Variants in ADNP2 observed in about 807,000 individuals in gnomAD.
ADNP2 encodes the protein ADNP homeobox 2, also known as activity-dependent neuroprotector homeobox protein 2.
In ADNP2, 8 loss-of-function variants were observed where a neutral mutation model predicts 16.4. The ratio of observed to expected loss-of-function variants is 0.49; its 90% CI spans 0.29 to 0.88. The LOEUF is 0.88. Among genes scored for constraint, ADNP2 ranks in the 40% least tolerant of loss-of-function variants. ADNP2 has a pLI of 0.09. For missense variants in ADNP2, 1,397 were observed against 1,395.1 expected, an observed-to-expected ratio of 1.00 and a Z score of -0.02; for synonymous variants, 637 against 545.8, an observed-to-expected ratio of 1.17 and a Z score of -2.33.
In ADNP2 at chr18:80,138,398, G is replaced by A. The variant is rs146952016; in HGVS notation, c.2985G>A (p.Glu995=). 2.5e-6 allele frequency: 4 copies of A among 1,613,970 alleles called. No homozygotes were observed. The African/African-American group carries it at 4.0e-5, about 16-fold the overall frequency. Residue 995 remains glutamate, a synonymous_variant, in exon 4 of 4, where the codon GAG becomes GAA. Transcript: ENST00000262198. The part of the protein sequence containing the change: ...LGAEDQRHGE[E]QPPILNADAA... ...CCGAAGACCAGCGGCATGGGGAGGA[G>A]CAGCCTCCCATCCTAAATGCCGATG...
intron 2 of ADNP2, among the ~76,000 whole-genome samples, chr18:80,131,982 G>C (rs1328480456): frequency 1.3e-5 from 2 of 152,122 alleles, no homozygotes; most frequent in Non-Finnish European, 2.9e-5. Context: ...GCAAAGACTT[G>C]GAACCAACCC....
At chr18:80,128,574 C>T (rs767086177) in intron 2 of ADNP2, among the ~76,000 whole-genome samples, 6 of 152,208 alleles carry the variant, frequency 3.9e-5, no homozygotes, top group African/African-American at 7.2e-5. Flanking sequence ...TGGTTGAACA[C>T]GGGAGGTGGA....
chr18:80,137,557 C>G lies in ADNP2; in HGVS notation c.2144C>G (p.Ala715Gly), dbSNP rs776040702. 1.2e-6 allele frequency: 2 copies of G among 1,614,220 alleles called. No homozygotes were observed. The highest frequency in any genetic ancestry group is 1.7e-6 in the Non-Finnish European group (2 of 1,180,050). Residue 715 changes from alanine (A) to glycine (G), a missense_variant, in exon 4 of 4, where the codon GCG becomes GGG. Ala to Gly is a moderately conservative substitution (Grantham distance 60, BLOSUM62 0). Around this residue, in one of 3 missense-constraint regions of ADNP2, gnomAD observed 611 missense variants for 648.7 expected, o/e 0.94. Transcript: ENST00000262198. The surrounding 1 kb of genome is among the most constrained non-coding windows in gnomAD (Gnocchi z 4.2). Reference sequence around the variant, plus strand: ...GTCTACCAGGTCCACATGGAGGTAGCGCATAAGCACAGCGAGTCCAAGTCT... The same window carrying G: ...GTCTACCAGGTCCACATGGAGGTAGGGCATAAGCACAGCGAGTCCAAGTCT... ...SNVYQVHMEV[A>G]HKHSESKSGE...
intron 1 of ADNP2, among the ~76,000 whole-genome samples, chr18:80,112,155 A>G (rs1166974472): frequency 6.6e-6 from 1 of 152,218 alleles, no homozygotes. Context: ...AACAGTATCT[A>G]TAGAGGATCT....
intron 1 of ADNP2, among the ~76,000 whole-genome samples, chr18:80,116,298 A>G (rs1410492843): frequency 6.6e-6 from 1 of 152,208 alleles, no homozygotes; most frequent in African/African-American, 2.4e-5. Flanking sequence ...ATGCAGGGGC[A>G]TTTGGTTTGT....
intron 1 of ADNP2, among the ~76,000 whole-genome samples, chr18:80,111,582 T>C (rs2145187706): frequency 6.6e-6 from 1 of 151,978 alleles, no homozygotes; most frequent in African/African-American, 2.4e-5. Context: ...TTTTTTTTTT[T>C]TTGAGACGGA....
intron 2 of ADNP2, among the ~76,000 whole-genome samples, chr18:80,132,887 T>A (rs1279455757): frequency 1.3e-5 from 2 of 151,954 alleles, no homozygotes; most frequent in Non-Finnish European, 2.9e-5. Context: ...GCCCAGCTAA[T>A]TTTTGTATTT....
chr18:80,119,537 G>A (rs887451312), intron 2 of ADNP2, among the ~76,000 whole-genome samples: 5 of 152,120 alleles, frequency 3.3e-5, no homozygotes, highest in African/African-American at 1.2e-4. Flanking sequence ...ATTTCAGAGT[G>A]GTATGTCGCT....
chr18:80,131,203 C>T (rs2052493937), intron 2 of ADNP2, among the ~76,000 whole-genome samples: 1 of 152,136 alleles, frequency 6.6e-6, no homozygotes, highest in East Asian at 1.9e-4. Flanking sequence ...CCTCTGGACC[C>T]CTTTCTGGGA....
intron 1 of ADNP2, among the ~76,000 whole-genome samples, chr18:80,117,121 G>A (rs1315065613): frequency 1.3e-5 from 2 of 152,120 alleles, no homozygotes; most frequent in South Asian, 2.1e-4. Context: ...ATTTTCTCCC[G>A]TTTTGTGGGT....
Position 80,137,216 on chromosome 18 carries a change from G to T in ADNP2, c.1803G>T (p.Gln601His). 6.2e-7 allele frequency: 1 copy of T among 1,614,228 alleles called. No homozygotes were observed. The highest frequency in any genetic ancestry group is 1.1e-5 in the South Asian group (1 of 91,086). Reference sequence around the variant, plus strand: ...TGACATCAGGCTCTATTCTCAGACAGCTCATCCCTACAGGGAAACAAGTGA... The same window carrying T: ...TGACATCAGGCTCTATTCTCAGACATCTCATCCCTACAGGGAAACAAGTGA... ...TFLTSGSILR[Q>H]LIPTGKQVNG... Residue 601 changes from glutamine (Q) to histidine (H), a missense_variant, in exon 4 of 4, where the codon CAG becomes CAT. Around this residue, in one of 3 missense-constraint regions of ADNP2, gnomAD observed 9 missense variants for 27.0 expected, o/e 0.33. Transcript: ENST00000262198. The surrounding 1 kb of genome is among the most constrained non-coding windows in gnomAD (Gnocchi z 4.2).
At chr18:80,127,350 T>TTTTG (rs1479579739) in intron 2 of ADNP2, among the ~76,000 whole-genome samples, 1 of 150,214 alleles carries the variant, frequency 6.7e-6, no homozygotes, top group African/African-American at 2.4e-5. Flanking sequence ...TTTTTTTTTT[T>TTTTG]TTTTTTTTTT....
chr18:80,118,312 C>T (rs1029113665), intron 2 of ADNP2, among the ~76,000 whole-genome samples: 2 of 151,920 alleles, frequency 1.3e-5, no homozygotes, highest in Non-Finnish European at 2.9e-5. Flanking sequence ...CCTGTAGTTG[C>T]AGCTACTCAG....
chr18:80,115,417 G>A (rs1017284346), intron 1 of ADNP2, among the ~76,000 whole-genome samples: 1 of 152,096 alleles, frequency 6.6e-6, no homozygotes, highest in Non-Finnish European at 1.5e-5. Context: ...TGCTACTGGG[G>A]TGTATAACTG....
Position 80,136,846 on chromosome 18 carries a change from C to T in ADNP2, c.1433C>T (p.Thr478Ile), listed in dbSNP as rs779877201. The T allele has an allele frequency of 3.3e-5, 54 of 1,614,008 alleles. No homozygotes were observed. The highest frequency in any genetic ancestry group is 4.2e-5 in the Non-Finnish European group (50 of 1,179,988). ...ACAGCAACTTCTGGGGTTCTTCCTA[C>T]TGGCCAGATGGTCCAGTCAGGAGTT... ...GQTATSGVLP[T>I]GQMVQSGVLP... is the part of the protein sequence containing the mutation. Residue 478 changes from threonine (T) to isoleucine (I), a missense_variant, in exon 4 of 4, where the codon ACT (threonine) becomes ATT (isoleucine). Coordinates refer to ENST00000262198, the MANE Select transcript of ADNP2 (RefSeq NM_014913.4).
chr18:80,130,867 A>G (rs1336728475), intron 2 of ADNP2, among the ~76,000 whole-genome samples: 3 of 152,160 alleles, frequency 2.0e-5, no homozygotes, highest in Non-Finnish European at 4.4e-5. Context: ...TGTGAAAAAC[A>G]ATTTTACAAA....
rs748105670 is a variant in ADNP2 at position 80,135,907 on chromosome 18, C to T, written c.494C>T (p.Thr165Ile). 1.2e-6 allele frequency: 2 copies of T among 1,614,110 alleles called. No individual in the cohort carries two copies. The highest frequency in any genetic ancestry group is 1.7e-6 in the Non-Finnish European group (2 of 1,180,050). ...FTCLKCNFSN[T>I]LYYSMKKHVL... ...TGTCTAAAATGTAACTTTTCAAACACTTTGTACTACAGCATGAAGAAGCAT... is the reference window on the plus strand; with the variant it reads ...TGTCTAAAATGTAACTTTTCAAACATTTTGTACTACAGCATGAAGAAGCAT... The change falls in exon 4 of 4, where the codon ACT (threonine) becomes ATT (isoleucine). Residue 165 changes from threonine to isoleucine, a missense_variant. By Grantham distance (89) the Thr-to-Ile change is moderately conservative. Coordinates refer to ENST00000262198, the MANE Select transcript of ADNP2 (RefSeq NM_014913.4).
intron 2 of ADNP2, among the ~76,000 whole-genome samples, chr18:80,124,548 C>G (rs1272988207): frequency 6.6e-6 from 1 of 152,200 alleles, no homozygotes; most frequent in Non-Finnish European, 1.5e-5. Context: ...GGGTACTCAA[C>G]CCTCCAGGAA....
At chr18:80,114,983 T>A (rs1050068514) in intron 1 of ADNP2, among the ~76,000 whole-genome samples, 1 of 152,136 alleles carries the variant, frequency 6.6e-6, no homozygotes, top group African/African-American at 2.4e-5. Flanking sequence ...ATTTTTATGA[T>A]CTAGTCTTGG....
Sources: allele counts gnomAD v4.1 joint callset (sites outside exome capture counted in the v4.1 genomes callset), GRCh38; gene constraint gnomAD v4.1.1; regional missense constraint gnomAD v4.1.1; non-coding constraint Gnocchi (gnomAD v3.1); transcripts MANE v1.5; gene names NCBI Gene and HGNC (gene_info 2026-07-23, HGNC 2026-07-21).